SLC25A26: variants seen among roughly 807,000 people sequenced by gnomAD.
SLC25A26 encodes mitochondrial S-adenosylmethionine carrier protein.
SLC25A26 carries 36 observed loss-of-function variants against 37.8 expected under a neutral mutation model. The ratio of observed to expected loss-of-function variants is 0.95; its 90% CI spans 0.73 to 1.26. SLC25A26 has a LOEUF of 1.26. SLC25A26 is among the 50% of genes most tolerant of loss of function. SLC25A26 has a pLI of 0.00. For missense variants in SLC25A26, 390 were observed against 331.1 expected (o/e 1.18, Z -1.38); for synonymous variants, 129 against 122.5 (o/e 1.05, Z -0.35).
intron 8 of SLC25A26, among the ~76,000 whole-genome samples, chr3:66,370,299 A>T (rs1314458708): frequency 6.6e-6 from 1 of 152,164 alleles, no homozygotes; most frequent in African/African-American, 2.4e-5. Flanking sequence ...GTGAGCTCTG[A>T]TAAGCAGCCA....
upstream of SLC25A26, chr3:66,220,881 G>C (rs1553657956): frequency 3.3e-6 from 2 of 603,922 alleles, no homozygotes; most frequent in Non-Finnish European, 5.8e-6. Context: ...CCGAGACTTA[G>C]CTCCACCACA....
At chr3:66,231,911 C>T (rs1002319692) in intron 1 of SLC25A26, among the ~76,000 whole-genome samples, 3 of 152,036 alleles carry the variant, frequency 2.0e-5, no homozygotes, top group African/African-American at 7.3e-5. Context: ...GCTAGGACTA[C>T]AGACATGAGC....
At chr3:66,335,872 G>A (rs2076083540) in intron 5 of SLC25A26, among the ~76,000 whole-genome samples, 1 of 152,108 alleles carries the variant, frequency 6.6e-6, no homozygotes, top group African/African-American at 2.4e-5. Context: ...TTTAATACTG[G>A]ATTGTTATGG....
upstream of SLC25A26, among the ~76,000 whole-genome samples, chr3:66,216,299 C>T (rs2071360409): frequency 6.6e-6 from 1 of 152,090 alleles, no homozygotes; most frequent in Non-Finnish European, 1.5e-5. Flanking sequence ...ATCGCTTGAG[C>T]TCAGGAGTTC....
chr3:66,267,157 A>G (rs1260507889), intron 5 of SLC25A26, among the ~76,000 whole-genome samples: 1 of 152,204 alleles, frequency 6.6e-6, no homozygotes, highest in African/African-American at 2.4e-5. Context: ...ATAAGTATAT[A>G]CAAGATGCAG....
At chr3:66,276,454 G>A (rs926317353) in intron 5 of SLC25A26, among the ~76,000 whole-genome samples, 1 of 152,094 alleles carries the variant, frequency 6.6e-6, no homozygotes, top group South Asian at 2.1e-4. Flanking sequence ...TGACCTGAGT[G>A]AGAGTGGAGC....
intron 3 of SLC25A26, among the ~76,000 whole-genome samples, chr3:66,247,164 C>T (rs1292269158): frequency 6.6e-6 from 1 of 151,690 alleles, no homozygotes; most frequent in Non-Finnish European, 1.5e-5. Flanking sequence ...GCGCCAGGCC[C>T]CTAGAGAATC....
intron 5 of SLC25A26, among the ~76,000 whole-genome samples, chr3:66,278,262 T>C (rs2074222913): frequency 6.6e-6 from 1 of 152,144 alleles, no homozygotes; most frequent in Non-Finnish European, 1.5e-5. Context: ...TTTAGAGTCA[T>C]CTTCTAAAAT....
In SLC25A26 at chr3:66,344,934, G is replaced by T. The variant is rs79625877; in HGVS notation, c.454-1430G>T. 9.2e-3 allele frequency among the ~76,000 whole-genome samples: 1,406 copies of T among 152,274 alleles called. 14 individuals are homozygous for T. Among genetic ancestry groups the T allele is most frequent in the Non-Finnish European group, 0.013 (901 of 68,024 alleles). Reference sequence around the variant, plus strand: ...TAACTGCCTTTAGGCGTTACACAGCGTCTTTGAACCTCAGTCTCATCAACT... The same window carrying T: ...TAACTGCCTTTAGGCGTTACACAGCTTCTTTGAACCTCAGTCTCATCAACT... On this transcript the variant is annotated intron_variant, in intron 5 of 9. Transcript: ENST00000354883.
At chr3:66,189,519 T>A (rs2070895557) in intron 1 of SLC25A26, among the ~76,000 whole-genome samples, 1 of 152,184 alleles carries the variant, frequency 6.6e-6, no homozygotes, top group African/African-American at 2.4e-5. Context: ...AATAATGACC[T>A]AACCATCACC....
chr3:66,139,195 G>A lies in SLC25A26; in HGVS notation c.-354+5211G>A, dbSNP rs972018069. On this transcript the variant is annotated intron_variant, in intron 1 of 10. Transcript: ENST00000676754. ...TCTGTTTCACCTTCTGTGCCACCCC[G>A]CCCACCTCCTTGATAGTGCCATTTG... is the stretch of plus-strand genomic sequence containing the variant. Among the ~76,000 whole-genome samples, 10 of 151,908 alleles carry A rather than the reference G, an allele frequency of 6.6e-5. No homozygotes were observed. In the East Asian group the frequency reaches 1.4e-3, roughly 21 times the overall value.
intron 1 of SLC25A26, among the ~76,000 whole-genome samples, chr3:66,154,671 T>G (rs988618705): frequency 6.6e-6 from 1 of 151,746 alleles, no homozygotes; most frequent in African/African-American, 2.4e-5. Context: ...TTAGTAGAGA[T>G]GGGGTTTCAT....
At chr3:66,272,448 G>A (rs559201235) in intron 5 of SLC25A26, among the ~76,000 whole-genome samples, 1 of 152,278 alleles carries the variant, frequency 6.6e-6, no homozygotes, top group Non-Finnish European at 1.5e-5. Flanking sequence ...GAAACTGGAA[G>A]TCTACATGAT....
intron 5 of SLC25A26, among the ~76,000 whole-genome samples, chr3:66,301,126 A>G (rs1315759988): frequency 6.6e-6 from 1 of 152,224 alleles, no homozygotes; most frequent in Non-Finnish European, 1.5e-5. Flanking sequence ...ATGAAGAATA[A>G]AAAATAGTAG....
intron 5 of SLC25A26, among the ~76,000 whole-genome samples, chr3:66,269,343 T>TA (rs1445266737): frequency 6.6e-6 from 1 of 152,228 alleles, no homozygotes; most frequent in African/African-American, 2.4e-5. Context: ...AGACAACTGT[T>TA]ACTGCTTGTA....
intron 8 of SLC25A26, among the ~76,000 whole-genome samples, chr3:66,370,288 C>T (rs1211516173): frequency 1.3e-5 from 2 of 152,232 alleles, no homozygotes; most frequent in Admixed American, 6.5e-5. Context: ...TCAGTCATCT[C>T]GTGAGCTCTG....
At chr3:66,229,388 C>A (rs1553662225) in intron 1 of SLC25A26, among the ~76,000 whole-genome samples, 1 of 152,140 alleles carries the variant, frequency 6.6e-6, no homozygotes, top group East Asian at 1.9e-4. Context: ...GAATTGTAAT[C>A]CCCATAATCC....
intron 6 of SLC25A26, among the ~76,000 whole-genome samples, chr3:66,348,967 A>G (rs2076389544): frequency 2.0e-5 from 3 of 152,228 alleles, no homozygotes; most frequent in Admixed American, 2.0e-4. Flanking sequence ...CCAGCAAACA[A>G]GACTTACTTT....
chr3:66,225,820 G>C (rs2071719593), intron 1 of SLC25A26, among the ~76,000 whole-genome samples: 1 of 152,136 alleles, frequency 6.6e-6, no homozygotes, highest in Non-Finnish European at 1.5e-5. Context: ...GCAAAATGCT[G>C]CCAGTCTCTT....
Sources: gnomAD v4.1 joint callset for allele counts (sites outside exome capture counted in the v4.1 genomes callset) on GRCh38, gnomAD v4.1.1 for gene constraint, MANE v1.5 for transcripts, NCBI Gene and HGNC (gene_info 2026-07-23, HGNC 2026-07-21) for gene names.